Variants in CNOT10 observed in about 807,000 individuals in gnomAD.
CNOT10 encodes CCR4-NOT transcription complex subunit 10, also known as CCR4-NOT transcription complex, subunit 10.
Under a neutral mutation model 94.6 loss-of-function variants are expected in CNOT10, and 30 were observed. The observed-to-expected ratio is 0.32, with a 90% CI of 0.24 to 0.43. The LOEUF is 0.43. CNOT10 is among the 20% of genes least tolerant of loss of function. CNOT10 has a pLI of 1.00. For synonymous variants in CNOT10, 289 were observed against 301.6 expected (o/e 0.96, Z 0.43); for missense variants, 759 against 877.2 (o/e 0.87, Z 1.70).
intron 13 of CNOT10, among the ~76,000 whole-genome samples, chr3:32,755,797 G>A (rs1700204623): frequency 1.3e-5 from 2 of 148,828 alleles, no homozygotes; most frequent in Admixed American, 6.8e-5. Context: ...TCTTTTCCAA[G>A]GATGGGCATT....
Position 32,754,510 on chromosome 3 carries a change from T to A in CNOT10, c.1596-4948T>A, listed in dbSNP as rs1306158724. Among the ~76,000 whole-genome samples the A allele has an allele frequency of 2.4e-4, 21 of 86,758 alleles. 1 individual carries two copies. The highest frequency in any genetic ancestry group is 4.1e-4 in the South Asian group (1 of 2,410). The allele number at this position is 86,758 out of a possible 152,430, so 56.9% of individuals were successfully genotyped here. ...AAAAAATACATATATATATATATAT[T>A]TATTTTACTTTTTTTTTTTTTTTTT... On this transcript the variant is annotated intron_variant, in intron 13 of 18. Coordinates refer to ENST00000328834, the MANE Select transcript of CNOT10 (RefSeq NM_015442.3).
chr3:32,693,228 T>G (rs182241258), intron 1 of CNOT10, among the ~76,000 whole-genome samples: 2 of 152,202 alleles, frequency 1.3e-5, no homozygotes, highest in African/African-American at 4.8e-5. Flanking sequence ...ATTTAATTAA[T>G]TTTTTTGAGG....
At chr3:32,753,428 C>T (rs1411052776) in intron 13 of CNOT10, 31 of 1,515,458 alleles carry the variant, frequency 2.0e-5, no homozygotes, top group Non-Finnish European at 2.7e-5. Flanking sequence ...AAGGAATTGT[C>T]TGCTTTGGTT....
chr3:32,764,710 C>G lies in CNOT10; in HGVS notation c.1905C>G (p.Pro635=). ...GTAAGCGGGCCCCTCAGTGCTACCC[C>G]AGTTCCGTCAACTCTGCCAGGACTG... ...SSGKRAPQCY[P]SSVNSARTVM... is the part of the protein sequence containing the mutation. Residue 635 remains proline, a synonymous_variant, in exon 17 of 19, where the codon CCC becomes CCG. Transcript: ENST00000328834. 6.2e-7 allele frequency: 1 copy of G among 1,614,152 alleles called. No individual in the cohort carries two copies. Among genetic ancestry groups the G allele is most frequent in the Non-Finnish European group, 8.5e-7 (1 of 1,180,020 alleles).
At chr3:32,722,096 C>T (rs543372589) in intron 8 of CNOT10, among the ~76,000 whole-genome samples, 5 of 152,058 alleles carry the variant, frequency 3.3e-5, no homozygotes, top group Non-Finnish European at 7.4e-5. Flanking sequence ...ATCACTTATT[C>T]GAGAAATGAG....
At chr3:32,701,713 A>G (rs888673732) in intron 1 of CNOT10, among the ~76,000 whole-genome samples, 6 of 152,128 alleles carry the variant, frequency 3.9e-5, no homozygotes, top group Non-Finnish European at 7.3e-5. Flanking sequence ...AACTCCCTAT[A>G]TGTGCTTTCT....
chr3:32,714,734 A>G (rs987632497), intron 5 of CNOT10, among the ~76,000 whole-genome samples: 2 of 152,114 alleles, frequency 1.3e-5, no homozygotes, highest in South Asian at 2.1e-4. Context: ...TACATTTATG[A>G]TGTTTAAGCT....
intron 13 of CNOT10, among the ~76,000 whole-genome samples, chr3:32,738,033 A>G (rs574693842): frequency 6.6e-6 from 1 of 152,138 alleles, no homozygotes; most frequent in Non-Finnish European, 1.5e-5. Context: ...CCTAGAAATG[A>G]TTTTGTCAGA....
chr3:32,764,165 C>T (rs1385163705), intron 15 of CNOT10: 9 of 315,364 alleles, frequency 2.9e-5, no homozygotes, highest in East Asian at 2.3e-4. Flanking sequence ...GGTGAAACCC[C>T]GTCTCTACTA....
At chr3:32,753,613 A>G (rs1392838913) in intron 13 of CNOT10, 14 of 1,577,462 alleles carry the variant, frequency 8.9e-6, no homozygotes, top group South Asian at 6.7e-5. Flanking sequence ...AAAACAATTC[A>G]TAGCAGGTGT....
chr3:32,719,657 AC>A (rs1258654512), intron 7 of CNOT10, among the ~76,000 whole-genome samples: 2 of 152,118 alleles, frequency 1.3e-5, no homozygotes, highest in African/African-American at 4.8e-5. Context: ...GTAGAATGGC[AC>A]TTTTTTTTTC....
At chr3:32,736,726 G>A (rs1201205534) in intron 12 of CNOT10, among the ~76,000 whole-genome samples, 1 of 152,116 alleles carries the variant, frequency 6.6e-6, no homozygotes, top group Non-Finnish European at 1.5e-5. Context: ...AGTGAGCTAT[G>A]ATCATGCCAC....
In CNOT10 at chr3:32,734,956, C is replaced by T. The variant is rs572087744; in HGVS notation, c.1494C>T (p.Ser498=). The T allele has an allele frequency of 1.7e-5, 28 of 1,613,358 alleles. No homozygotes were observed. The highest frequency in any genetic ancestry group is 8.9e-5 in the East Asian group (4 of 44,866). The part of the protein sequence containing the change: ...SNQLGGNTES[S]ESSETCSSKS... ...AATTAGGTGGGAACACAGAGAGCAG[C>T]GAAAGCAGTGAAACTTGCAGGTATT... The change falls in exon 12 of 19, where the codon AGC becomes AGT. Residue 498 remains serine, a synonymous_variant. Transcript: ENST00000328834.
chr3:32,687,464 T>TTTTTTTTTTTTTTTTTTTGTTTTTTG (rs1559471812), intron 1 of CNOT10, among the ~76,000 whole-genome samples: 2 of 67,982 alleles, frequency 2.9e-5, no homozygotes, highest in Non-Finnish European at 5.8e-5. Flanking sequence ...TTTTTTTTTT[T>TTTTTTTTTTTTTTTTTTTGTTTTTTG]TTTTTGAGAC....
At chr3:32,695,201 C>T (rs765279499) in intron 1 of CNOT10, among the ~76,000 whole-genome samples, 19 of 152,140 alleles carry the variant, frequency 1.2e-4, no homozygotes, top group Non-Finnish European at 1.9e-4. Flanking sequence ...GTGAATAAAC[C>T]ATTTGAGGTT....
chr3:32,761,726 C>CTT (rs200865385), intron 14 of CNOT10, among the ~76,000 whole-genome samples: 7 of 136,410 alleles, frequency 5.1e-5, no homozygotes, highest in Admixed American at 1.5e-4. Context: ...CTACTAATTT[C>CTT]TTTTTTTTTT....
chr3:32,755,301 T>C (rs1700174245), intron 13 of CNOT10, among the ~76,000 whole-genome samples: 1 of 149,426 alleles, frequency 6.7e-6, no homozygotes, highest in Non-Finnish European at 1.5e-5. Context: ...TTTTATTTTC[T>C]TTTTTCTTTT....
At chr3:32,753,906 A>G in intron 13 of CNOT10, 1 of 1,260,426 alleles carries the variant, frequency 7.9e-7, no homozygotes, top group Admixed American at 1.8e-5. Flanking sequence ...TACTAAATAA[A>G]TTAATTTGCT....
At position 32,753,918 on chromosome 3, in the gene CNOT10, T is replaced by TCACACA. The variant is rs146449669; in HGVS notation, c.1596-5527_1596-5522dup. The TCACACA allele has an allele frequency of 4.0e-4, 410 of 1,019,250 alleles. 1 individual carries two copies. The highest frequency in any genetic ancestry group is 1.2e-3 in the East Asian group (48 of 40,436). 63.1% of individuals were successfully genotyped at this position (1,019,250 alleles called of 1,614,324 possible). On this transcript the variant is annotated intron_variant, in intron 13 of 18. Transcript: ENST00000328834. Reference sequence around the variant, plus strand: ...AAGTACTAAATAAATTAATTTGCTCTCACACACACACACACACAAAATATA... The same window carrying TCACACA: ...AAGTACTAAATAAATTAATTTGCTCTCACACACACACACACACACACACAAAATATA...
Sources: allele counts gnomAD v4.1 joint callset (sites outside exome capture counted in the v4.1 genomes callset), GRCh38; gene constraint gnomAD v4.1.1; transcripts MANE v1.5; gene names NCBI Gene and HGNC (gene_info 2026-07-23, HGNC 2026-07-21).